Variants in SGSM2 observed in about 807,000 individuals in gnomAD.
SGSM2 encodes the protein small G protein signaling modulator 2, also known as RUN and TBC1 domain containing 1.
In SGSM2, 89 loss-of-function variants were observed where a neutral mutation model predicts 126.6. The ratio of observed to expected loss-of-function variants is 0.70; its 90% CI spans 0.59 to 0.84. The LOEUF (loss-of-function observed/expected upper bound fraction) is 0.84, where lower values mean the gene tolerates loss of function less well. Among genes scored for constraint, SGSM2 ranks in the 40% least tolerant of loss-of-function variants. The pLI is 0.00. For synonymous variants in SGSM2, 614 were observed against 574.3 expected (o/e 1.07, Z -0.99); for missense variants, 1,404 against 1,416.6 (o/e 0.99, Z 0.14).
Position 2,367,947 on chromosome 17 carries a change from C to T in SGSM2, c.1423+542C>T, listed in dbSNP as rs182398168. On this transcript the variant is annotated intron_variant, in intron 12 of 23. Coordinates refer to ENST00000268989, the MANE Select transcript of SGSM2 (RefSeq NM_014853.3). The surrounding 1 kb of genome is among the most constrained non-coding windows in gnomAD (Gnocchi z 4.0). ...CAGGAGGCCTGAGGGCCCCAGCCGG[C>T]AGGGCCTGGTACTTTGGCATGAAAT... Among the ~76,000 whole-genome samples the T allele has an allele frequency of 1.3e-5, 2 of 152,304 alleles. No individual in the cohort carries two copies. Among genetic ancestry groups the T allele is most frequent in the East Asian group, 3.9e-4 (2 of 5,188 alleles).
chr17:2,348,377 C>T (rs987976224), intron 2 of SGSM2, among the ~76,000 whole-genome samples: 10 of 152,118 alleles, frequency 6.6e-5, no homozygotes, highest in African/African-American at 2.4e-4. Context: ...CAAAAAAGAC[C>T]CCATCGCCAC....
In SGSM2 at chr17:2,363,365, C is replaced by A; in HGVS notation, c.673-100C>A. 6.4e-7 allele frequency: 1 copy of A among 1,562,060 alleles called. No individual in the cohort carries two copies. The highest frequency in any genetic ancestry group is 8.7e-7 in the Non-Finnish European group (1 of 1,155,180). ...GAGTAAACCGGGGCAGGAAGGACCC[C>A]TGGGGTCAGCTGGAGAGGGTCAGCA... On this transcript the variant is annotated intron_variant, in intron 6 of 23. Coordinates refer to ENST00000268989, the MANE Select transcript of SGSM2 (RefSeq NM_014853.3). This position sits in a 1 kb window ranked among gnomAD's most constrained non-coding sequence, Gnocchi z 4.2.
chr17:2,352,767 CTTTTTTTTTTTTTTTT>C (rs71150860), intron 2 of SGSM2, among the ~76,000 whole-genome samples: 3 of 85,960 alleles, frequency 3.5e-5, no homozygotes, highest in African/African-American at 1.1e-4. Context: ...GCTGCATTTT[CTTTTTTTTTTTTTTTT>C]TTTTTTTTTT....
Position 2,363,738 on chromosome 17 carries a change from G to C in SGSM2, c.807+139G>C. 7.8e-7 allele frequency: 1 copy of C among 1,282,428 alleles called. No homozygotes were observed. Among genetic ancestry groups the C allele is most frequent in the Middle Eastern group, 2.7e-4 (1 of 3,686 alleles). The allele number at this position is 1,282,428 out of a possible 1,614,324, so 79.4% of individuals were successfully genotyped here. A position where few individuals can be genotyped will look rare whatever the true frequency, so the allele number is the denominator to read the frequency against. On this transcript the variant is annotated intron_variant, in intron 7 of 23. Coordinates refer to ENST00000268989, the MANE Select transcript of SGSM2 (RefSeq NM_014853.3). This position sits in a 1 kb window ranked among gnomAD's most constrained non-coding sequence, Gnocchi z 4.2. ...AATGGCCCCAGCCTCCCAACTCCCT[G>C]TTTCACACGACTCACGCCCAGCCTT...
In SGSM2 at chr17:2,343,186, G is replaced by T. The variant is rs148033244; in HGVS notation, c.58-359G>T. 2.6e-5 allele frequency among the ~76,000 whole-genome samples: 4 copies of T among 152,258 alleles called. No homozygotes were observed. In the Middle Eastern group the frequency reaches 0.01, roughly 388 times the overall value. On this transcript the variant is annotated intron_variant, in intron 1 of 23. Coordinates refer to ENST00000268989, the MANE Select transcript of SGSM2 (RefSeq NM_014853.3). ...AGGTTGTTTATCTGCAGGCTGTACC[G>T]AGATGGTTTGTCTCTAAAGGACAGT...
At chr17:2,377,400 C>G (rs2066217702) in intron 21 of SGSM2, 1 of 236,096 alleles carries the variant, frequency 4.2e-6, no homozygotes, top group East Asian at 1.1e-4. Flanking sequence ...AGGAGAATCA[C>G]TTGAACCCGG....
Position 2,372,201 on chromosome 17 carries a change from G to A in SGSM2, c.1589G>A (p.Arg530Lys). 6.2e-7 allele frequency: 1 copy of A among 1,613,348 alleles called. No individual in the cohort carries two copies. The highest frequency in any genetic ancestry group is 8.5e-7 in the Non-Finnish European group (1 of 1,179,812). Residue 530 changes from arginine (R) to lysine (K), a missense_variant, in exon 14 of 24, where the codon AGG becomes AAG. Transcript: ENST00000268989. This position sits in a 1 kb window ranked among gnomAD's most constrained non-coding sequence, Gnocchi z 6.0. The part of the protein sequence containing the change: ...CSCIPDRLPL[R>K]LLCESMKRQI... ...GGTTGTTGCCACAGGTTGCCGCTCAGGCTACTGTGTGAGAGTATGAAGAGG... is the reference window on the plus strand; with the variant it reads ...GGTTGTTGCCACAGGTTGCCGCTCAAGCTACTGTGTGAGAGTATGAAGAGG...
intron 12 of SGSM2, 48 bp from the exon 13 acceptor site, chr17:2,371,209 CCTGGG>C: frequency 6.4e-7 from 1 of 1,562,262 alleles, no homozygotes; most frequent in Non-Finnish European, 8.6e-7. Context: ...GTGCAGGGTG[CCTGGG>C]AGAGAAGGTG....
chr17:2,361,152 G>A (rs1191486724), intron 2 of SGSM2, among the ~76,000 whole-genome samples: 1 of 152,224 alleles, frequency 6.6e-6, no homozygotes, highest in Non-Finnish European at 1.5e-5. Context: ...CTCAGCTGCT[G>A]GGCTCATCAG....
intron 2 of SGSM2, 67 bp from the exon 3 acceptor site, chr17:2,361,570 A>G: frequency 6.4e-7 from 1 of 1,560,974 alleles, no homozygotes; most frequent in South Asian, 1.2e-5. Flanking sequence ...GGTATGGGGA[A>G]GAGGAGCTTT....
At chr17:2,373,750 T>G in intron 17 of SGSM2, 1 of 514,676 alleles carries the variant, frequency 1.9e-6, no homozygotes, top group Non-Finnish European at 3.4e-6. Context: ...TTTAGCCAAC[T>G]ATAGGGAAAG....
At position 2,372,392 on chromosome 17, in the gene SGSM2, G is replaced by A. The variant is rs370047462; in HGVS notation, c.1692G>A (p.Ala564=). ...HLSTVRTHLS[A]LVHHSVIPPD... ...CCACGGTGCGGACCCACCTGTCGGC[G>A]CTGGTGCACCATAGCGTTATCCCAC... The change falls in exon 15 of 24, where the codon GCG becomes GCA. Residue 564 remains alanine (A), a synonymous_variant. Coordinates refer to ENST00000268989, the MANE Select transcript of SGSM2 (RefSeq NM_014853.3). This position sits in a 1 kb window ranked among gnomAD's most constrained non-coding sequence, Gnocchi z 6.0. The A allele has an allele frequency of 1.1e-5, 17 of 1,593,220 alleles. No homozygotes were observed. Among genetic ancestry groups the A allele is most frequent in the East Asian group, 2.3e-5 (1 of 44,222 alleles).
Position 2,373,510 on chromosome 17 carries a change from C to G in SGSM2, c.2097C>G (p.Asn699Lys). Residue 699 changes from asparagine (N) to lysine (K), a missense_variant, in exon 17 of 24, where the codon AAC (asparagine) becomes AAG (lysine). By Grantham distance (94) the Asn-to-Lys change is moderately conservative (BLOSUM62 0). Coordinates refer to ENST00000268989, the MANE Select transcript of SGSM2 (RefSeq NM_014853.3). ...RLIHRDSTISNDVFISVDDLE... is the reference protein window; with the variant it reads ...RLIHRDSTISKDVFISVDDLE... The stretch of plus-strand genomic sequence containing the variant: ...TCCACCGAGACTCCACCATCAGCAA[C>G]GATGTGAGCCAGACGGGACCTGGAG... 1.2e-6 allele frequency: 2 copies of G among 1,600,888 alleles called. No individual in the cohort carries two copies. Among genetic ancestry groups the G allele is most frequent in the Non-Finnish European group, 1.7e-6 (2 of 1,177,722 alleles).
intron 1 of SGSM2, among the ~76,000 whole-genome samples, chr17:2,338,493 G>A (rs1056289166): frequency 7.9e-5 from 12 of 152,080 alleles, no homozygotes; most frequent in Non-Finnish European, 1.5e-5. Context: ...GAGCTGGAGA[G>A]CTCCAACCCA....
chr17:2,373,256 C>G, intron 16 of SGSM2, 75 bp from the exon 17 acceptor site: 1 of 1,559,340 alleles, frequency 6.4e-7, no homozygotes, highest in Non-Finnish European at 8.7e-7. Flanking sequence ...ACCCAAGGTC[C>G]AGTGCAGGCC....
rs1245992719 is a variant in SGSM2 at position 2,373,088 on chromosome 17, G to A, written c.1917+7G>A. 1 of 1,601,514 alleles carries A rather than the reference G, an allele frequency of 6.2e-7. No homozygotes were observed. The highest frequency in any genetic ancestry group is 8.5e-7 in the Non-Finnish European group (1 of 1,175,544). ...CAAGAAGGAGATGGAGCAGGTGAGG[G>A]GAGCCTGTTCCCATGGGGCTGATGA... On this transcript the variant is annotated splice_region_variant and intron_variant, in intron 16 of 23. Coordinates refer to ENST00000268989, the MANE Select transcript of SGSM2 (RefSeq NM_014853.3).
rs1011694171 is a variant in SGSM2 at position 2,373,927 on chromosome 17, T to G, written c.2100+414T>G. On this transcript the variant is annotated intron_variant, in intron 17 of 23. Transcript: ENST00000268989. The stretch of plus-strand genomic sequence containing the variant: ...CAGTTTCCCCTCTCCACCCATATCC[T>G]CTGACTGCAGAGGCTTCCTGAGATC... 2.2e-5 allele frequency: 4 copies of G among 182,758 alleles called. No homozygotes were observed. The Admixed American group carries it at 2.2e-4, about 10-fold the overall frequency. The allele number at this position is 182,758 out of a possible 1,614,324, so 11.3% of individuals were successfully genotyped here. A position where few individuals can be genotyped will look rare whatever the true frequency, so the allele number is the denominator to read the frequency against.
At chr17:2,378,553 AG>A (rs1376527614) in intron 22 of SGSM2, among the ~76,000 whole-genome samples, 1 of 152,156 alleles carries the variant, frequency 6.6e-6, no homozygotes, top group Non-Finnish European at 1.5e-5. Context: ...AGAAAAGAAA[AG>A]AAAAAATTGA....
intron 2 of SGSM2, among the ~76,000 whole-genome samples, chr17:2,353,973 A>G (rs1253676547): frequency 2.1e-5 from 3 of 142,284 alleles, no homozygotes; most frequent in African/African-American, 7.7e-5. Context: ...CAATGGTGCA[A>G]TCTCAGCTCA....
Sources: allele counts gnomAD v4.1 joint callset (sites outside exome capture counted in the v4.1 genomes callset), GRCh38; gene constraint gnomAD v4.1.1; non-coding constraint Gnocchi (gnomAD v3.1); transcripts MANE v1.5; gene names NCBI Gene and HGNC (gene_info 2026-07-23, HGNC 2026-07-21).